The following PNLDC1 variants were observed in gnomAD, a reference collection of about 807,000 sequenced individuals.
PNLDC1 encodes PARN like ribonuclease domain containing exonuclease 1.
In PNLDC1, 70 loss-of-function variants were observed where a neutral mutation model predicts 82.0. That is an observed-to-expected ratio of 0.85 (90% CI 0.70 to 1.04). The LOEUF (loss-of-function observed/expected upper bound fraction) is 1.04. Ranked by LOEUF, PNLDC1 falls within the 50% of genes least tolerant of loss-of-function variation. The pLI, the probability that PNLDC1 is intolerant of heterozygous loss-of-function variation, is 0.00. For missense variants in PNLDC1, 631 were observed against 661.1 expected, an observed-to-expected ratio of 0.95 and a Z score of 0.50; for synonymous variants, 280 against 249.3, an observed-to-expected ratio of 1.12 and a Z score of -1.16.
rs773207623 is a variant in PNLDC1, at chr6:159,808,763, C to A, written c.586C>A (p.Leu196Met). Residue 196 changes from leucine (L) to methionine (M), a missense_variant, in exon 8 of 19, where the codon CTG becomes ATG. Physicochemically the swap from Leu to Met is conservative, Grantham distance 15 (BLOSUM62 2). Coordinates refer to ENST00000392167, the MANE Select transcript of PNLDC1 (RefSeq NM_001271862.2). The stretch of plus-strand genomic sequence containing the variant: ...AGGCTTCCAGGCCTTTGAGGTCCAA[C>A]TGGTGCTGAGGCAGGCCCTCCCCAA... ...ITGFQAFEVQ[L>M]VLRQALPNIW... 3.4e-5 allele frequency: 55 copies of A among 1,613,894 alleles called. No individual in the cohort carries two copies. In the Middle Eastern group the frequency reaches 4.9e-4, roughly 14 times the overall value.
Position 159,800,752 on chromosome 6 carries a change from A to G in PNLDC1, c.77-20A>G, listed in dbSNP as rs765925360. 1.4e-5 allele frequency: 23 copies of G among 1,613,920 alleles called. 1 individual carries two copies. Among genetic ancestry groups the G allele is most frequent in the Non-Finnish European group, 1.9e-5 (23 of 1,180,018 alleles). On this transcript the variant is annotated intron_variant, in intron 1 of 18. Coordinates refer to ENST00000392167, the MANE Select transcript of PNLDC1 (RefSeq NM_001271862.2). Reference sequence around the variant, plus strand: ...CGATGTTCTGCACCCGAGGACTGCTATTTTTTGCCTTCCTGGCAGGTCTGG... The same window carrying G: ...CGATGTTCTGCACCCGAGGACTGCTGTTTTTTGCCTTCCTGGCAGGTCTGG...
Position 159,819,358 on chromosome 6 carries a change from T to A in PNLDC1, c.1532+6T>A. The A allele has an allele frequency of 6.2e-7, 1 of 1,612,312 alleles. No individual in the cohort carries two copies. The highest frequency in any genetic ancestry group is 8.5e-7 in the Non-Finnish European group (1 of 1,179,470). On this transcript the variant is annotated splice_donor_region_variant and intron_variant, in intron 18 of 18. Coordinates refer to ENST00000392167, the MANE Select transcript of PNLDC1 (RefSeq NM_001271862.2). This position sits in a 1 kb window ranked among gnomAD's most constrained non-coding sequence, Gnocchi z 4.6. ...AACGTCAACTGCCTGCTCCAGTAAG[T>A]GACAGGCTGAGGCCACCTGCCTGTC...
At chr6:159,813,719 A>G (rs570448069) in intron 12 of PNLDC1, 63 bp downstream of exon 12, 10 of 1,480,124 alleles carry the variant, frequency 6.8e-6, no homozygotes, top group East Asian at 4.5e-5. Context: ...TGTGCTCCGC[A>G]GGCCTTTGGG....
rs559707692 is a variant in PNLDC1 at position 159,819,453 on chromosome 6, G to C, written c.1532+101G>C. On this transcript the variant is annotated intron_variant, in intron 18 of 18. Transcript: ENST00000392167. The surrounding 1 kb of genome is among the most constrained non-coding windows in gnomAD (Gnocchi z 4.6). ...TGACTCGAGCACAGCTCACTTGCTG[G>C]TGTGTGTTGCCAAGGGGGTTGTGTT... 1.3e-4 allele frequency: 134 copies of C among 1,035,720 alleles called. No individual in the cohort carries two copies. Among genetic ancestry groups the C allele is most frequent in the Non-Finnish European group, 1.8e-4 (130 of 709,118 alleles). 64.2% of individuals were successfully genotyped at this position (1,035,720 alleles called of 1,614,324 possible). A position where few individuals can be genotyped will look rare whatever the true frequency, so the allele number is the denominator to read the frequency against.
chr6:159,809,461 T>A (rs1258838913), intron 9 of PNLDC1, among the ~76,000 whole-genome samples: 1 of 65,648 alleles, frequency 1.5e-5, no homozygotes, highest in African/African-American at 3.8e-5. Context: ...ATTTTTTTTT[T>A]TTTTTTTTTT....
intron 7 of PNLDC1, among the ~76,000 whole-genome samples, chr6:159,806,410 G>T (rs892011079): frequency 2.0e-5 from 3 of 152,210 alleles, no homozygotes; most frequent in Non-Finnish European, 4.4e-5. Context: ...CCAGCATGTG[G>T]TGTGGAGCCA....
chr6:159,811,473 C>T (rs919413472), intron 10 of PNLDC1, among the ~76,000 whole-genome samples: 5 of 152,162 alleles, frequency 3.3e-5, no homozygotes, highest in African/African-American at 1.2e-4. Context: ...TAGAATGCAT[C>T]CTGAATTTAA....
intron 1 of PNLDC1, 142 bp from the exon 2 acceptor site, chr6:159,800,630 C>T (rs1405143311): frequency 1.3e-6 from 2 of 1,597,924 alleles, no homozygotes; most frequent in Non-Finnish European, 8.5e-7. Context: ...GCCTTGGTTC[C>T]TCCATTTTCC....
chr6:159,808,571 C>T (rs1037940581), intron 7 of PNLDC1, among the ~76,000 whole-genome samples, 169 bp from the exon 8 acceptor site: 21 of 151,584 alleles, frequency 1.4e-4, no homozygotes, highest in African/African-American at 4.8e-4. Flanking sequence ...GCCCCAGATC[C>T]CATCATGACA....
intron 11 of PNLDC1, 72 bp downstream of exon 11, chr6:159,811,858 G>C (rs1487931879): frequency 1.4e-5 from 16 of 1,174,084 alleles, no homozygotes; most frequent in Non-Finnish European, 1.1e-5. Context: ...TCTCTTGTGG[G>C]GTTTTTTTCT....
At chr6:159,800,571 G>A (rs1781205128) in intron 1 of PNLDC1, 188 bp downstream of exon 1, 2 of 1,433,452 alleles carry the variant, frequency 1.4e-6, no homozygotes, top group African/African-American at 1.4e-5. Flanking sequence ...CGAGCCCCAC[G>A]TCCCTTGTTG....
At chr6:159,811,037 G>GAGA (rs1781629281) in intron 10 of PNLDC1, among the ~76,000 whole-genome samples, 1 of 152,234 alleles carries the variant, frequency 6.6e-6, no homozygotes, top group African/African-American at 2.4e-5. Context: ...GAGGTGGAAT[G>GAGA]AGAGGGGTCA....
In PNLDC1 at chr6:159,809,098, T is replaced by G. The variant is rs367817624; in HGVS notation, c.723T>G (p.Asn241Lys). Residue 241 changes from asparagine (N) to lysine (K), a missense_variant, in exon 9 of 19, where the codon AAT becomes AAG. Asn to Lys is a moderately conservative substitution (Grantham distance 94). Coordinates refer to ENST00000392167, the MANE Select transcript of PNLDC1 (RefSeq NM_001271862.2). The part of the protein sequence containing the change: ...SCDRESCWKE[N>K]ILLSARGFSV... ...ACCGAGAGAGCTGTTGGAAGGAAAA[T>G]ATTCTTCTCTCAGCAAGGGGTTTTT... The G allele has an allele frequency of 6.2e-7, 1 of 1,614,090 alleles. No individual in the cohort carries two copies. Among genetic ancestry groups the G allele is most frequent in the African/African-American group, 1.3e-5 (1 of 75,004 alleles).
upstream of PNLDC1, among the ~76,000 whole-genome samples, chr6:159,799,891 T>G (rs376062758): frequency 3.6e-4 from 55 of 152,282 alleles, 1 homozygote; most frequent in East Asian, 8.1e-3. Context: ...TAGAAGACCG[T>G]GAGCCGCAGC....
intron 11 of PNLDC1, among the ~76,000 whole-genome samples, chr6:159,812,557 G>A (rs1244571159): frequency 1.3e-5 from 2 of 152,140 alleles, no homozygotes; most frequent in Non-Finnish European, 2.9e-5. Flanking sequence ...TTGGAATCAC[G>A]TGGAAAGTTG....
rs1321392746 is a variant in PNLDC1 at position 159,800,605 on chromosome 6, G to C, written c.77-167G>C. On this transcript the variant is annotated intron_variant, in intron 1 of 18. Transcript: ENST00000392167. ...TGGCCAGAGCCCCGTGCGCCCAGGTGCCTGGCTGCTCCTTGCCTTGGTTCC... is the reference window on the plus strand; with the variant it reads ...TGGCCAGAGCCCCGTGCGCCCAGGTCCCTGGCTGCTCCTTGCCTTGGTTCC... The C allele has an allele frequency of 8.3e-6, 13 of 1,558,820 alleles. No homozygotes were observed. In the Admixed American group the frequency reaches 2.1e-4, roughly 25 times the overall value.
At chr6:159,803,071 C>A (rs1178093472) in intron 3 of PNLDC1, among the ~76,000 whole-genome samples, 200 bp from the exon 4 acceptor site, 15 of 152,150 alleles carry the variant, frequency 9.9e-5, no homozygotes, top group Admixed American at 9.8e-4. Context: ...TAGATTTTAG[C>A]AAATTCAGTG....
rs754053466 is a variant in PNLDC1 at position 159,820,538 on chromosome 6, G to A, written c.*21G>A. The A allele has an allele frequency of 1.9e-6, 3 of 1,612,870 alleles. No homozygotes were observed. The highest frequency in any genetic ancestry group is 2.5e-6 in the Non-Finnish European group (3 of 1,179,076). ...CCTGAGTGCAGCGAGGCCTCCTGCG[G>A]CCACCCTCGGGTCCCCATGCTCTCT... is the stretch of plus-strand genomic sequence containing the variant. On this transcript the variant is annotated 3_prime_UTR_variant, in exon 19 of 19. Transcript: ENST00000392167.
intron 1 of PNLDC1, 176 bp downstream of exon 1, chr6:159,800,559 TC>T: frequency 7.2e-7 from 1 of 1,390,108 alleles, no homozygotes; most frequent in East Asian, 2.3e-5. Context: ...GCAAGTACAC[TC>T]CGAGCCCCAC....
Sources: allele counts gnomAD v4.1 joint callset (sites outside exome capture counted in the v4.1 genomes callset), GRCh38; gene constraint gnomAD v4.1.1; non-coding constraint Gnocchi (gnomAD v3.1); transcripts MANE v1.5; gene names NCBI Gene and HGNC (gene_info 2026-07-23, HGNC 2026-07-21).